Variants in ATP8B1 observed in about 807,000 individuals in gnomAD.
ATP8B1 encodes ATPase phospholipid transporting 8B1, also known as phospholipid-transporting ATPase IC.
ATP8B1 carries 80 observed loss-of-function variants against 149.9 expected under a neutral mutation model. That is an observed-to-expected ratio of 0.53 (90% CI 0.45 to 0.64). The LOEUF (loss-of-function observed/expected upper bound fraction) is 0.64, where lower values mean the gene tolerates loss of function less well. Among genes scored for constraint, ATP8B1 ranks in the 30% least tolerant of loss-of-function variants. ATP8B1 has a pLI of 0.00. For missense variants in ATP8B1, 1,247 were observed against 1,552.6 expected, an observed-to-expected ratio of 0.80 and a Z score of 3.31; for synonymous variants, 536 against 562.8, an observed-to-expected ratio of 0.95 and a Z score of 0.67.
At chr18:57,661,058 G>T in intron 22 of ATP8B1, 116 bp downstream of exon 22, 1 of 1,359,526 alleles carries the variant, frequency 7.4e-7, no homozygotes, top group Non-Finnish European at 1.0e-6. Context: ...TGAAACATCT[G>T]CTCTATGAAA....
chr18:57,771,936 C>T (rs1183707348), intron 1 of ATP8B1, among the ~76,000 whole-genome samples: 7 of 152,098 alleles, frequency 4.6e-5, no homozygotes, highest in South Asian at 2.1e-4. Flanking sequence ...AAACTACAAT[C>T]GACATACTAA....
intron 2 of ATP8B1, among the ~76,000 whole-genome samples, chr18:57,712,451 C>T (rs1184591531): frequency 6.6e-6 from 1 of 152,130 alleles, no homozygotes; most frequent in Non-Finnish European, 1.5e-5. Flanking sequence ...ATAGAGGGAG[C>T]ATTTAGACCA....
chr18:57,740,426 T>C (rs1281632745), intron 1 of ATP8B1: 19 of 152,156 alleles, frequency 1.2e-4, no homozygotes, highest in Admixed American at 1.2e-3. Context: ...TTCTATGCTA[T>C]ACGTGTTTCT....
intron 1 of ATP8B1, among the ~76,000 whole-genome samples, chr18:57,771,208 C>T (rs1480423233): frequency 6.6e-6 from 1 of 152,206 alleles, no homozygotes; most frequent in Admixed American, 6.5e-5. Context: ...ATGCTGATTG[C>T]AACTGATGGC....
intron 1 of ATP8B1, among the ~76,000 whole-genome samples, chr18:57,787,754 G>T (rs2080424130): frequency 6.6e-6 from 1 of 152,102 alleles, no homozygotes; most frequent in South Asian, 2.1e-4. Flanking sequence ...ATACCTTTTT[G>T]AATGTCAGTA....
At chr18:57,703,473 G>A (rs1330803326) in intron 4 of ATP8B1, among the ~76,000 whole-genome samples, 1 of 151,956 alleles carries the variant, frequency 6.6e-6, no homozygotes, top group Non-Finnish European at 1.5e-5. Context: ...AGGGGGCTGA[G>A]GCAGGAGAAT....
chr18:57,753,055 T>C (rs963733248), intron 1 of ATP8B1, among the ~76,000 whole-genome samples: 3 of 152,186 alleles, frequency 2.0e-5, no homozygotes, highest in Non-Finnish European at 4.4e-5. Flanking sequence ...TTTAAGACAT[T>C]CTATATTTTC....
At chr18:57,763,927 C>G (rs1281910827) in intron 1 of ATP8B1, among the ~76,000 whole-genome samples, 1 of 152,176 alleles carries the variant, frequency 6.6e-6, no homozygotes, top group Non-Finnish European at 1.5e-5. Flanking sequence ...ACTTTTCCAA[C>G]TTTGAAAATG....
intron 1 of ATP8B1, among the ~76,000 whole-genome samples, chr18:57,773,753 G>A (rs2080284071): frequency 6.6e-6 from 1 of 152,076 alleles, no homozygotes; most frequent in African/African-American, 2.4e-5. Flanking sequence ...CTAGAGTCAT[G>A]CTGGAGTCTC....
At chr18:57,648,765 A>G (rs963631875) in intron 27 of ATP8B1, 53 bp from the exon 28 acceptor site, 7 of 1,521,476 alleles carry the variant, frequency 4.6e-6, no homozygotes, top group South Asian at 1.2e-5. Context: ...ACCAGGGAGG[A>G]GGCCTGGCCA....
intron 1 of ATP8B1, among the ~76,000 whole-genome samples, chr18:57,768,386 CAAAAAAA>C (rs145660399): frequency 1.6e-4 from 11 of 68,162 alleles, no homozygotes; most frequent in South Asian, 5.6e-4. Context: ...GACCCTGTCT[CAAAAAAA>C]AAAAAAAAAA....
intron 12 of ATP8B1, among the ~76,000 whole-genome samples, 198 bp downstream of exon 12, chr18:57,691,609 A>G (rs1187064934): frequency 1.3e-5 from 2 of 152,236 alleles, no homozygotes; most frequent in Non-Finnish European, 2.9e-5. Context: ...AGGATGAGAT[A>G]AAAGGTGCCT....
intron 1 of ATP8B1, among the ~76,000 whole-genome samples, chr18:57,756,293 G>GTATATATATACATA (rs755702972): frequency 1.1e-5 from 1 of 87,118 alleles, no homozygotes; most frequent in Non-Finnish European, 2.4e-5. Context: ...ATATATGTGT[G>GTATATATATACATA]TGTGTATGTA....
intron 16 of ATP8B1, among the ~76,000 whole-genome samples, chr18:57,673,106 G>A (rs1295715818): frequency 6.9e-6 from 1 of 145,812 alleles, no homozygotes; most frequent in African/African-American, 2.5e-5. Flanking sequence ...CATCACTTAC[G>A]GACTCTTCCT....
At chr18:57,760,745 C>T (rs1489244371) in intron 1 of ATP8B1, among the ~76,000 whole-genome samples, 1 of 152,114 alleles carries the variant, frequency 6.6e-6, no homozygotes, top group East Asian at 1.9e-4. Flanking sequence ...AATCCCAGCA[C>T]CTTGGGAGGC....
At position 57,694,688 on chromosome 18, in the gene ATP8B1, A is replaced by G; in HGVS notation, c.941-18T>C. The G allele has an allele frequency of 6.7e-7, 1 of 1,490,628 alleles. No individual in the cohort carries two copies. The highest frequency in any genetic ancestry group is 9.4e-7 in the Non-Finnish European group (1 of 1,068,590). The allele number at this position is 1,490,628 out of a possible 1,614,324, so 92.3% of individuals were successfully genotyped here. On this transcript the variant is annotated intron_variant, in intron 10 of 27. Coordinates refer to ENST00000648908, the MANE Select transcript of ATP8B1 (RefSeq NM_001374385.1). The stretch of plus-strand genomic sequence containing the variant: ...GTCAGCACCTGAAAATGGAAAATTC[A>G]ATGTAGTCATCAGTTGGGAAAAATC...
intron 2 of ATP8B1, among the ~76,000 whole-genome samples, chr18:57,706,920 A>G (rs557919679): frequency 6.6e-6 from 1 of 152,356 alleles, no homozygotes; most frequent in Admixed American, 6.5e-5. Flanking sequence ...CTCAGAAGGA[A>G]TCGATCCTGC....
intron 1 of ATP8B1, among the ~76,000 whole-genome samples, chr18:57,789,755 A>C (rs774500807): frequency 3.5e-4 from 54 of 152,172 alleles, no homozygotes; most frequent in Non-Finnish European, 5.7e-4. Flanking sequence ...GTGACTTTGC[A>C]CAAATGCTTT....
At chr18:57,759,877 T>C (rs1418933652) in intron 1 of ATP8B1, among the ~76,000 whole-genome samples, 2 of 151,532 alleles carry the variant, frequency 1.3e-5, no homozygotes, top group East Asian at 3.9e-4. Flanking sequence ...ACCATCGCTG[T>C]TGGGAAACTC....
Sources: allele counts gnomAD v4.1 joint callset (sites outside exome capture counted in the v4.1 genomes callset), GRCh38; gene constraint gnomAD v4.1.1; transcripts MANE v1.5; gene names NCBI Gene and HGNC (gene_info 2026-07-23, HGNC 2026-07-21).